Variants in ITGB6 observed in about 807,000 individuals in gnomAD.
ITGB6 encodes the protein integrin beta-6.
ITGB6 carries 80 observed loss-of-function variants against 84.5 expected under a neutral mutation model. The observed-to-expected ratio is 0.95, with a 90% CI of 0.79 to 1.14. The LOEUF is 1.14. Ranked by LOEUF, ITGB6 falls within the 50% of genes most tolerant of loss-of-function variation. ITGB6 has a pLI of 0.00. For synonymous variants in ITGB6, 383 were observed against 354.9 expected (o/e 1.08, Z -0.89); for missense variants, 1,006 against 968.0 (o/e 1.04, Z -0.52).
intron 4 of ITGB6, among the ~76,000 whole-genome samples, chr2:160,190,386 G>T (rs916444154): frequency 1.3e-4 from 20 of 152,102 alleles, no homozygotes; most frequent in African/African-American, 4.6e-4. Flanking sequence ...GATTGGCATT[G>T]TTAGTCTAGA....
chr2:160,188,790 G>C (rs1686013783), intron 4 of ITGB6, among the ~76,000 whole-genome samples: 1 of 151,850 alleles, frequency 6.6e-6, no homozygotes, highest in Non-Finnish European at 1.5e-5. Flanking sequence ...ATTTTTAGTA[G>C]AGACAGGGTT....
chr2:160,117,661 A>G (rs912901574), intron 12 of ITGB6, among the ~76,000 whole-genome samples: 3 of 152,136 alleles, frequency 2.0e-5, no homozygotes, highest in African/African-American at 7.2e-5. Flanking sequence ...AAATTACTAA[A>G]ATCAGAGCAG....
intron 12 of ITGB6, among the ~76,000 whole-genome samples, chr2:160,119,719 A>G (rs1682945584): frequency 1.3e-5 from 2 of 152,120 alleles, no homozygotes; most frequent in African/African-American, 4.8e-5. Context: ...CACCATCAGA[A>G]TGAACAGGCA....
rs535877765 is a variant in ITGB6 at position 160,158,996 on chromosome 2, G to T, written c.1017+10216C>A. Reference sequence around the variant, plus strand: ...CGCCTGTAGTCCCCACTACTCAGGAGGCTGAGGCAGGAGACTCGCTTGAAG... The same window carrying T: ...CGCCTGTAGTCCCCACTACTCAGGATGCTGAGGCAGGAGACTCGCTTGAAG... On this transcript the variant is annotated intron_variant, in intron 7 of 14. Transcript: ENST00000283249. Among the ~76,000 whole-genome samples, 5 of 152,134 alleles carry T rather than the reference G, an allele frequency of 3.3e-5. No individual in the cohort carries two copies. In the South Asian group the frequency reaches 8.3e-4, roughly 25 times the overall value.
intron 7 of ITGB6, among the ~76,000 whole-genome samples, chr2:160,155,153 C>T (rs1419746868): frequency 2.0e-5 from 3 of 152,162 alleles, no homozygotes; most frequent in Non-Finnish European, 4.4e-5. Context: ...TCAATTAAAC[C>T]TCTTTTCTTT....
intron 4 of ITGB6, among the ~76,000 whole-genome samples, chr2:160,183,034 A>C (rs1685748949): frequency 6.6e-6 from 1 of 152,238 alleles, no homozygotes; most frequent in Non-Finnish European, 1.5e-5. Flanking sequence ...GCCACTGCAA[A>C]AACATACCAA....
chr2:160,142,470 G>T (rs1684034968), intron 7 of ITGB6, among the ~76,000 whole-genome samples: 1 of 152,208 alleles, frequency 6.6e-6, no homozygotes, highest in Admixed American at 6.5e-5. Context: ...CCAAGGTTTG[G>T]TGCACATGGG....
At chr2:160,116,210 T>C (rs1258255799) in intron 12 of ITGB6, among the ~76,000 whole-genome samples, 1 of 151,718 alleles carries the variant, frequency 6.6e-6, no homozygotes, top group Admixed American at 6.6e-5. Context: ...CACACAATTA[T>C]CAGATTCACC....
At chr2:160,107,979 A>C in intron 13 of ITGB6, 134 bp from the exon 14 acceptor site, 2 of 678,894 alleles carry the variant, frequency 2.9e-6, no homozygotes, top group Non-Finnish European at 4.8e-6. Flanking sequence ...GCCTTGCTTA[A>C]ATTTTAAAAA....
chr2:160,125,459 T>C (rs1190557382), intron 11 of ITGB6, among the ~76,000 whole-genome samples: 3 of 152,184 alleles, frequency 2.0e-5, no homozygotes, highest in African/African-American at 7.2e-5. Context: ...CATTTTCCAT[T>C]AGATCCTATT....
chr2:160,180,561 C>T (rs1685624391), intron 4 of ITGB6, among the ~76,000 whole-genome samples: 1 of 152,162 alleles, frequency 6.6e-6, no homozygotes, highest in Admixed American at 6.5e-5. Flanking sequence ...GGTGCACAGA[C>T]CCATGAGGGT....
chr2:160,103,082 G>T (rs890630980), intron 14 of ITGB6, among the ~76,000 whole-genome samples: 1 of 151,992 alleles, frequency 6.6e-6, no homozygotes, highest in African/African-American at 2.4e-5. Context: ...AGTATGTATG[G>T]AATCCAGGTA....
At chr2:160,126,105 C>T (rs1683229436) in intron 11 of ITGB6, among the ~76,000 whole-genome samples, 1 of 152,134 alleles carries the variant, frequency 6.6e-6, no homozygotes, top group Admixed American at 6.5e-5. Context: ...CTGATGTTAT[C>T]AGTGTGGGAC....
intron 7 of ITGB6, among the ~76,000 whole-genome samples, chr2:160,151,483 A>G (rs1684414054): frequency 6.6e-6 from 1 of 152,228 alleles, no homozygotes; most frequent in South Asian, 2.1e-4. Context: ...AAAGCCCTCA[A>G]GAGAAAGCAG....
chr2:160,189,748 T>G (rs1310048090), intron 4 of ITGB6, among the ~76,000 whole-genome samples: 1 of 152,068 alleles, frequency 6.6e-6, no homozygotes, highest in African/African-American at 2.4e-5. Context: ...ACTTTTACAC[T>G]GTTGGTGGGA....
chr2:160,170,974 C>T (rs763225980), intron 6 of ITGB6, among the ~76,000 whole-genome samples: 13 of 152,036 alleles, frequency 8.6e-5, no homozygotes, highest in Non-Finnish European at 1.2e-4. Flanking sequence ...AGACAACATG[C>T]GGCTATCCTC....
At position 160,124,733 on chromosome 2, in the gene ITGB6, G is replaced by A. The variant is rs535330806; in HGVS notation, c.1884-845C>T. Among the ~76,000 whole-genome samples the A allele has an allele frequency of 5.1e-4, 78 of 152,194 alleles. 1 individual carries two copies. Among genetic ancestry groups the A allele is most frequent in the African/African-American group, 1.9e-3 (77 of 41,518 alleles). ...GCTAAGTGCTTGAAACACCCCACCC[G>A]CACCCATAACTCAGCAAATCTCAGC... On this transcript the variant is annotated intron_variant, in intron 11 of 14. Coordinates refer to ENST00000283249, the MANE Select transcript of ITGB6 (RefSeq NM_000888.5).
chr2:160,154,843 T>A (rs375387979), intron 7 of ITGB6, among the ~76,000 whole-genome samples: 3 of 152,174 alleles, frequency 2.0e-5, no homozygotes, highest in Non-Finnish European at 4.4e-5. Flanking sequence ...AAAGGCTACA[T>A]ATGGCAGTTG....
At chr2:160,193,569 C>T (rs927186851) in intron 4 of ITGB6, among the ~76,000 whole-genome samples, 10 of 152,206 alleles carry the variant, frequency 6.6e-5, no homozygotes, top group African/African-American at 2.4e-4. Context: ...CATCAAAACA[C>T]ATGAAACTGA....
Sources: gnomAD v4.1 joint callset for allele counts (sites outside exome capture counted in the v4.1 genomes callset) on GRCh38, gnomAD v4.1.1 for gene constraint, MANE v1.5 for transcripts, NCBI Gene and HGNC (gene_info 2026-07-23, HGNC 2026-07-21) for gene names.